Variants in ACADVL observed in about 807,000 individuals in gnomAD.
ACADVL encodes the protein acyl-CoA dehydrogenase very long chain.
Under a neutral mutation model 80.4 loss-of-function variants are expected in ACADVL, and 73 were observed. That is an observed-to-expected ratio of 0.91 (90% CI 0.75 to 1.10). The LOEUF is 1.10. ACADVL is among the 50% of genes least tolerant of loss of function. The pLI, the probability that ACADVL is intolerant of heterozygous loss-of-function variation, is 0.00. For missense variants in ACADVL, 878 were observed against 858.9 expected (o/e 1.02, Z -0.28); for synonymous variants, 392 against 326.5 (o/e 1.20, Z -2.16).
intron 1 of ACADVL, 37 bp from the exon 2 acceptor site, chr17:7,220,085 G>C (rs771475754): frequency 1.3e-5 from 20 of 1,595,290 alleles, no homozygotes; most frequent in Admixed American, 8.5e-5. Context: ...CAGCGGCCCT[G>C]GGCACCGGGC....
upstream of ACADVL, chr17:7,217,220 G>T: frequency 1.6e-6 from 2 of 1,257,798 alleles, no homozygotes; most frequent in East Asian, 3.2e-5. Context: ...CCCTCCGTGG[G>T]TTCTCACCCC....
In ACADVL at chr17:7,224,468, C is replaced by T. The variant is rs1212342191; in HGVS notation, c.1606-12C>T. On this transcript the variant is annotated splice_polypyrimidine_tract_variant and intron_variant, in intron 16 of 19. Transcript: ENST00000356839. The stretch of plus-strand genomic sequence containing the variant: ...GGCCCCTCTGAGCCCCGCACTGTCC[C>T]CATCTCTTAAGGCAGTACGGGCTCT... The T allele has an allele frequency of 6.2e-7, 1 of 1,613,922 alleles. No homozygotes were observed. Among genetic ancestry groups the T allele is most frequent in the East Asian group, 2.2e-5 (1 of 44,890 alleles).
chr17:7,220,065 G>A lies in ACADVL; in HGVS notation c.62+19G>A. 6.2e-7 allele frequency: 1 copy of A among 1,600,880 alleles called. No individual in the cohort carries two copies. Among genetic ancestry groups the A allele is most frequent in the East Asian group, 2.2e-5 (1 of 44,734 alleles). On this transcript the variant is annotated intron_variant, in intron 1 of 19. Coordinates refer to ENST00000356839, the MANE Select transcript of ACADVL (RefSeq NM_000018.4). ...GCGGAAGGTCTGTGTGTGACAAGAG[G>A]GACGGTGGGCAGCGGCCCTGGGCAC...
At position 7,220,508 on chromosome 17, in the gene ACADVL, C is replaced by G. The variant is rs760535113; in HGVS notation, c.183C>G (p.Thr61=). Reference sequence around the variant, plus strand: ...ATTCCCACCCCTCTGACGCTCTGACCAGGAAAAAACCGGCCAAGGCGGTAG... The same window carrying G: ...ATTCCCACCCCTCTGACGCTCTGACGAGGAAAAAACCGGCCAAGGCGGTAG... ...KSDSHPSDAL[T]RKKPAKAESK... Residue 61 remains threonine (T), a synonymous_variant, in exon 3 of 20, where the codon ACC becomes ACG. Coordinates refer to ENST00000356839, the MANE Select transcript of ACADVL (RefSeq NM_000018.4). 1 of 1,614,216 alleles carries G rather than the reference C, an allele frequency of 6.2e-7. No homozygotes were observed. The highest frequency in any genetic ancestry group is 8.5e-7 in the Non-Finnish European group (1 of 1,180,028).
chr17:7,220,421 CG>C, intron 2 of ACADVL, 42 bp from the exon 3 acceptor site: 1 of 1,611,790 alleles, frequency 6.2e-7, no homozygotes, highest in Non-Finnish European at 8.5e-7. Context: ...CTTGACACAG[CG>C]GAAGTCCCTT....
intron 9 of ACADVL, 73 bp from the exon 10 acceptor site, chr17:7,222,594 G>A: frequency 2.8e-6 from 4 of 1,446,074 alleles, no homozygotes; most frequent in South Asian, 1.2e-5. Context: ...TGCATAAGGA[G>A]CGAAGGAGCA....
At chr17:7,218,220 C>T (rs41283399), upstream of ACADVL, 49,500 of 1,601,176 alleles carry the variant, frequency 0.031, 947 homozygotes, top group Middle Eastern at 0.041. Flanking sequence ...GGAAGTTAGG[C>T]GCTCGCCCCC....
chr17:7,218,250 T>C (rs1367368269), upstream of ACADVL: 1 of 1,609,848 alleles, frequency 6.2e-7, no homozygotes, highest in Non-Finnish European at 8.5e-7. Context: ...CCTGACTCTC[T>C]GAGAGGGAAG....
intron 11 of ACADVL, 121 bp from the exon 12 acceptor site, chr17:7,223,523 C>G (rs2071332166): frequency 1.8e-6 from 2 of 1,096,120 alleles, no homozygotes; most frequent in South Asian, 2.5e-5. Flanking sequence ...TGACCCAGAA[C>G]AAGTATCTGC....
chr17:7,220,852 G>A (rs1290914163), intron 5 of ACADVL, 22 bp downstream of exon 5: 1 of 1,614,080 alleles, frequency 6.2e-7, no homozygotes, highest in Non-Finnish European at 8.5e-7. Context: ...CTCGGGGCTT[G>A]GTCCCTGGTG....
At position 7,223,808 on chromosome 17, in the gene ACADVL, C is replaced by A; in HGVS notation, c.1270-5C>A. 1.9e-6 allele frequency: 3 copies of A among 1,614,060 alleles called. No individual in the cohort carries two copies. Among genetic ancestry groups the A allele is most frequent in the Non-Finnish European group, 2.5e-6 (3 of 1,180,000 alleles). On this transcript the variant is annotated splice_region_variant and splice_polypyrimidine_tract_variant and intron_variant, in intron 12 of 19. Transcript: ENST00000356839. ...AAACCAGTCTCATCTGTTCTTTGTC[C>A]CTAGGAGGCAGCCTGGAAGGTGACA...
Position 7,219,963 on chromosome 17 carries a change from C to A in ACADVL, c.-22C>A, listed in dbSNP as rs779056818. On this transcript the variant is annotated 5_prime_UTR_variant, in exon 1 of 20. Transcript: ENST00000356839. ...AGAGCTGGGTCAGAGCTCGAGCCAG[C>A]GGCGCCCGGAGAGATTCGGAGATGC... is the stretch of plus-strand genomic sequence containing the variant. The A allele has an allele frequency of 1.3e-6, 2 of 1,594,060 alleles. No homozygotes were observed. Among genetic ancestry groups the A allele is most frequent in the Non-Finnish European group, 1.7e-6 (2 of 1,174,670 alleles).
Position 7,224,179 on chromosome 17 carries a change from G to A in ACADVL, c.1468G>A (p.Ala490Thr). ...AAAGGAGCTCTCTGGGCTTGGCAGT[G>A]CTCTAAAGAATCCCTTTGGGAATGC... The part of the protein sequence containing the change: ...KGKELSGLGS[A>T]LKNPFGNAGL... The change falls in exon 15 of 20, where the codon GCT becomes ACT. Residue 490 changes from alanine to threonine, a missense_variant. Coordinates refer to ENST00000356839, the MANE Select transcript of ACADVL (RefSeq NM_000018.4). 1 of 1,614,144 alleles carries A rather than the reference G, an allele frequency of 6.2e-7. No homozygotes were observed. The highest frequency in any genetic ancestry group is 8.5e-7 in the Non-Finnish European group (1 of 1,180,028).
chr17:7,222,959 A>G, intron 10 of ACADVL, 94 bp downstream of exon 10: 2 of 1,509,042 alleles, frequency 1.3e-6, no homozygotes, highest in Admixed American at 1.7e-5. Context: ...CACTCCCTAC[A>G]CTAGAAACTC....
chr17:7,217,706 G>C, upstream of ACADVL: 2 of 1,534,164 alleles, frequency 1.3e-6, no homozygotes, highest in African/African-American at 1.4e-5. Context: ...AACTCCTTCT[G>C]TGCTGGCAGG....
upstream of ACADVL, chr17:7,219,615 C>T: frequency 8.4e-7 from 1 of 1,189,414 alleles, no homozygotes; most frequent in African/African-American, 1.6e-5. Context: ...CCCTACTTTT[C>T]CCTTCTAACC....
chr17:7,217,491 G>A (rs1364083691), upstream of ACADVL: 1 of 512,846 alleles, frequency 1.9e-6, no homozygotes, highest in Non-Finnish European at 3.2e-6. Context: ...ACTGGATTTC[G>A]GGGAGCCCCG....
At chr17:7,217,259 G>A, upstream of ACADVL, 1 of 1,254,378 alleles carries the variant, frequency 8.0e-7, no homozygotes, top group Non-Finnish European at 1.0e-6. Flanking sequence ...CTTTTGCAGG[G>A]GGGGCCAGGA....
chr17:7,224,445 C>G (rs1343843128), intron 16 of ACADVL, 35 bp from the exon 17 acceptor site: 2 of 1,613,598 alleles, frequency 1.2e-6, no homozygotes, highest in Non-Finnish European at 1.7e-6. Flanking sequence ...CAGCCGATGG[C>G]CCCTCTGAGC....
Sources: allele counts gnomAD v4.1 joint callset, GRCh38; gene constraint gnomAD v4.1.1; transcripts MANE v1.5; gene names NCBI Gene and HGNC (gene_info 2026-07-23, HGNC 2026-07-21).